ADAMTSL1: variants seen among roughly 807,000 people sequenced by gnomAD.
ADAMTSL1 encodes ADAMTS-like protein 1.
ADAMTSL1 carries 126 observed loss-of-function variants against 201.8 expected under a neutral mutation model. That is an observed-to-expected ratio of 0.62 (90% CI 0.54 to 0.72). ADAMTSL1 has a LOEUF of 0.72. ADAMTSL1 is among the 30% of genes least tolerant of loss of function. ADAMTSL1 has a pLI of 0.00. For missense variants in ADAMTSL1, 2,679 were observed against 2,277.8 expected, an observed-to-expected ratio of 1.18 and a Z score of -3.59; for synonymous variants, 1,121 against 903.4, an observed-to-expected ratio of 1.24 and a Z score of -4.32.
chr9:18,486,790 T>C (rs1016564888), intron 1 of ADAMTSL1, among the ~76,000 whole-genome samples: 4 of 151,932 alleles, frequency 2.6e-5, no homozygotes, highest in Non-Finnish European at 4.4e-5. Context: ...TAACAGGGAG[T>C]CATTTTTGTA....
At chr9:18,065,247 G>T (rs1004084917) in intron 1 of ADAMTSL1, among the ~76,000 whole-genome samples, 1 of 152,062 alleles carries the variant, frequency 6.6e-6, no homozygotes, top group African/African-American at 2.4e-5. Context: ...GTACATGCAA[G>T]GATTTCCTGT....
chr9:18,502,943 T>C (rs912291405), intron 1 of ADAMTSL1, among the ~76,000 whole-genome samples: 1 of 152,122 alleles, frequency 6.6e-6, no homozygotes, highest in African/African-American at 2.4e-5. Flanking sequence ...TAAATAATAA[T>C]AGCAACAAAT....
intron 2 of ADAMTSL1, among the ~76,000 whole-genome samples, chr9:18,221,711 T>A (rs1830265836): frequency 6.6e-6 from 1 of 152,196 alleles, no homozygotes; most frequent in Non-Finnish European, 1.5e-5. Context: ...CCAAACATAT[T>A]TATCTTTTTG....
intron 9 of ADAMTSL1, among the ~76,000 whole-genome samples, chr9:18,671,040 A>G (rs1314434498): frequency 6.6e-6 from 1 of 152,220 alleles, no homozygotes; most frequent in Non-Finnish European, 1.5e-5. Flanking sequence ...TTGTTATACT[A>G]TAATGTTTAG....
chr9:17,922,948 G>A (rs114919397), intron 1 of ADAMTSL1, among the ~76,000 whole-genome samples: 113 of 152,208 alleles, frequency 7.4e-4, no homozygotes, highest in African/African-American at 2.3e-3. Context: ...TACGCCCCTC[G>A]TGTAACCTGC....
At chr9:18,880,434 G>A (rs1165273404) in intron 23 of ADAMTSL1, among the ~76,000 whole-genome samples, 4 of 152,198 alleles carry the variant, frequency 2.6e-5, no homozygotes, top group Admixed American at 2.6e-4. Flanking sequence ...CAGAATGGAT[G>A]TTATGTTCGC....
intron 2 of ADAMTSL1, among the ~76,000 whole-genome samples, chr9:18,448,667 A>G (rs980398014): frequency 2.6e-5 from 4 of 152,182 alleles, no homozygotes; most frequent in African/African-American, 9.7e-5. Context: ...ATAAAAGTAA[A>G]TATATTGGAC....
intron 1 of ADAMTSL1, among the ~76,000 whole-genome samples, chr9:18,139,270 C>T (rs954350974): frequency 2.0e-5 from 3 of 152,150 alleles, no homozygotes; most frequent in Non-Finnish European, 2.9e-5. Context: ...TAGATTTCCT[C>T]CTTTCACTCC....
At chr9:18,367,304 G>A (rs1018509843) in intron 2 of ADAMTSL1, among the ~76,000 whole-genome samples, 5 of 151,740 alleles carry the variant, frequency 3.3e-5, no homozygotes, top group Admixed American at 2.6e-4. Context: ...ACTTATAATG[G>A]ACCATAAGAA....
Position 18,070,671 on chromosome 9 carries a change from AAAGC to A in ADAMTSL1, c.88-93188_88-93185del, listed in dbSNP as rs1822924314. 3.3e-5 allele frequency among the ~76,000 whole-genome samples: 5 copies of A among 152,308 alleles called. No individual in the cohort carries two copies. In the South Asian group the frequency reaches 1.0e-3, roughly 32 times the overall value. On this transcript the variant is annotated intron_variant, in intron 1 of 29. Transcript: ENST00000680146. ...AGATAAAATCTTGGGAAATGATAAG[AAAGC>A]AAAGCCCCTTGGGAGAAGGAGTCTT...
intron 2 of ADAMTSL1, among the ~76,000 whole-genome samples, chr9:18,251,474 G>A (rs1831462886): frequency 6.6e-6 from 1 of 152,130 alleles, no homozygotes; most frequent in South Asian, 2.1e-4. Context: ...TATCAACAAA[G>A]GATGTACTTC....
chr9:18,645,701 A>ATC lies in ADAMTSL1; in HGVS notation c.834+6291_834+6292insCT, dbSNP rs1308441677. 5.6e-3 allele frequency among the ~76,000 whole-genome samples: 831 copies of ATC among 148,696 alleles called. 5 individuals carry two copies. The highest frequency in any genetic ancestry group is 0.019 in the African/African-American group (778 of 40,002). On this transcript the variant is annotated intron_variant, in intron 7 of 28. Transcript: ENST00000380548. Reference sequence around the variant, plus strand: ...TTTGTCAAAGATCAGATAGTTGTAGATATGCAGCATTATTTCTGAGGGCTC... The same window carrying ATC: ...TTTGTCAAAGATCAGATAGTTGTAGATCTATGCAGCATTATTTCTGAGGGCTC...
intron 26 of ADAMTSL1, among the ~76,000 whole-genome samples, chr9:18,905,054 C>G (rs904111622): frequency 2.0e-5 from 3 of 152,144 alleles, no homozygotes; most frequent in Admixed American, 6.5e-5. Context: ...TCCAAAGACC[C>G]CCAAGTTAAG....
chr9:18,257,668 A>T (rs952751321), intron 2 of ADAMTSL1, among the ~76,000 whole-genome samples: 2 of 152,232 alleles, frequency 1.3e-5, no homozygotes, highest in Non-Finnish European at 2.9e-5. Flanking sequence ...ATCCAGCTAT[A>T]TTCTCTTTCT....
intron 2 of ADAMTSL1, among the ~76,000 whole-genome samples, chr9:18,396,129 C>A (rs1023704725): frequency 1.1e-4 from 16 of 152,190 alleles, no homozygotes; most frequent in Admixed American, 3.3e-4. Flanking sequence ...CTTTATCCAA[C>A]CTTAGAGCAC....
chr9:18,456,494 G>C (rs1399253230), intron 2 of ADAMTSL1, among the ~76,000 whole-genome samples: 1 of 152,174 alleles, frequency 6.6e-6, no homozygotes. Flanking sequence ...GGGGTGTTAT[G>C]GGAACATAAC....
In ADAMTSL1 at chr9:18,237,877, T is replaced by C. The variant is rs1300908630; in HGVS notation, c.207+73896T>C. On this transcript the variant is annotated intron_variant, in intron 2 of 29. Transcript: ENST00000680146. ...CAAAACAAAATTAAATGCAATTGTTTCTCTAAAAATCATGATTATTCCTTG... is the reference window on the plus strand; with the variant it reads ...CAAAACAAAATTAAATGCAATTGTTCCTCTAAAAATCATGATTATTCCTTG... Among the ~76,000 whole-genome samples the C allele has an allele frequency of 4.6e-5, 7 of 152,248 alleles. 1 individual carries two copies. The East Asian group carries it at 1.3e-3, about 29-fold the overall frequency.
intron 1 of ADAMTSL1, among the ~76,000 whole-genome samples, chr9:17,967,104 G>A (rs1355499869): frequency 1.3e-5 from 2 of 151,930 alleles, no homozygotes; most frequent in African/African-American, 4.8e-5. Flanking sequence ...ATATAATATG[G>A]GCACTAAAGG....
chr9:18,325,373 T>A (rs927356387), intron 2 of ADAMTSL1, among the ~76,000 whole-genome samples: 2 of 152,242 alleles, frequency 1.3e-5, no homozygotes, highest in Non-Finnish European at 1.5e-5. Flanking sequence ...GTAACACAGT[T>A]GTGATGTATT....
Sources: allele counts gnomAD v4.1 joint callset (sites outside exome capture counted in the v4.1 genomes callset), GRCh38; gene constraint gnomAD v4.1.1; transcripts MANE v1.5; gene names NCBI Gene and HGNC (gene_info 2026-07-23, HGNC 2026-07-21).